The following RANBP17 variants were observed in gnomAD, a reference collection of about 807,000 sequenced individuals.
The protein encoded by RANBP17 is RAN binding protein 17.
A neutral mutation model predicts 141.2 loss-of-function variants in RANBP17; 158 were observed. That is an observed-to-expected ratio of 1.12 (90% CI 0.98 to 1.28). RANBP17 has a LOEUF of 1.28. RANBP17 is among the 50% of genes most tolerant of loss of function. The pLI, the probability that RANBP17 is intolerant of heterozygous loss-of-function variation, is 0.00. For missense variants in RANBP17, 1,438 were observed against 1,290.7 expected (o/e 1.11, Z -1.75); for synonymous variants, 430 against 450.0 (o/e 0.96, Z 0.56).
chr5:171,271,272 A>G (rs1445838857), intron 25 of RANBP17: 3 of 213,918 alleles, frequency 1.4e-5, no homozygotes. Flanking sequence ...TCTTCATGAC[A>G]TGCATCCCAA....
Position 171,059,049 on chromosome 5 carries a change from G to C in RANBP17, c.1710+90672G>C, listed in dbSNP as rs191142739. 9.3e-3 allele frequency among the ~76,000 whole-genome samples: 1,389 copies of C among 148,622 alleles called. 13 individuals carry two copies. Among genetic ancestry groups the C allele is most frequent in the Non-Finnish European group, 0.013 (892 of 67,246 alleles). On this transcript the variant is annotated intron_variant, in intron 14 of 27. Coordinates refer to ENST00000523189, the MANE Select transcript of RANBP17 (RefSeq NM_022897.5). ...TGTAAATTTGTTTGAGTTCATTGTA[G>C]ATTCTGGATATTAGCCCTTTGTCAG...
At chr5:171,058,271 A>G (rs998304370) in intron 14 of RANBP17, among the ~76,000 whole-genome samples, 3 of 148,270 alleles carry the variant, frequency 2.0e-5, no homozygotes, top group African/African-American at 7.4e-5. Context: ...TTAACTCATC[A>G]TTTAGCATTA....
intron 14 of RANBP17, among the ~76,000 whole-genome samples, chr5:171,087,158 G>A (rs1382689355): frequency 6.7e-6 from 1 of 148,714 alleles, no homozygotes; most frequent in Non-Finnish European, 1.5e-5. Flanking sequence ...ATTCTGGTAT[G>A]TTGTGTCTTT....
chr5:171,296,278 A>G (rs1279563058), intron 27 of RANBP17, among the ~76,000 whole-genome samples: 1 of 152,308 alleles, frequency 6.6e-6, no homozygotes, highest in Non-Finnish European at 1.5e-5. Flanking sequence ...AACAGGAGAG[A>G]TATGAAAAAA....
chr5:170,939,935 A>C (rs550075614), intron 12 of RANBP17, among the ~76,000 whole-genome samples: 6 of 152,328 alleles, frequency 3.9e-5, no homozygotes, highest in African/African-American at 1.2e-4. Context: ...CAGCAAAGAG[A>C]AAATAATGAA....
intron 13 of RANBP17, among the ~76,000 whole-genome samples, chr5:170,960,942 C>T (rs994670712): frequency 1.5e-4 from 23 of 152,146 alleles, no homozygotes; most frequent in African/African-American, 4.8e-4. Flanking sequence ...GACAGGGTTT[C>T]ACCGTGTTGG....
intron 12 of RANBP17, among the ~76,000 whole-genome samples, chr5:170,948,781 C>T (rs772670467): frequency 1.3e-5 from 2 of 152,014 alleles, no homozygotes; most frequent in Non-Finnish European, 1.5e-5. Context: ...AATTGGAAGA[C>T]TCATATTTTT....
intron 14 of RANBP17, among the ~76,000 whole-genome samples, chr5:171,154,391 G>A (rs544603165): frequency 4.3e-4 from 65 of 152,106 alleles, no homozygotes; most frequent in African/African-American, 1.4e-3. Context: ...ATTCTCCTGC[G>A]TCAGCCTCCT....
At chr5:171,102,232 G>A (rs781719319) in intron 14 of RANBP17, among the ~76,000 whole-genome samples, 12 of 152,090 alleles carry the variant, frequency 7.9e-5, no homozygotes, top group Non-Finnish European at 1.6e-4. Context: ...AGTACCCCAA[G>A]CAAATGTAGG....
chr5:171,280,468 C>T (rs1397118095), intron 25 of RANBP17, among the ~76,000 whole-genome samples: 4 of 151,968 alleles, frequency 2.6e-5, no homozygotes, highest in Non-Finnish European at 5.9e-5. Context: ...TTGGTGGAGA[C>T]GGGGTTTCAC....
intron 14 of RANBP17, among the ~76,000 whole-genome samples, chr5:171,106,212 C>A (rs1290720671): frequency 6.6e-6 from 1 of 152,144 alleles, no homozygotes; most frequent in East Asian, 1.9e-4. Context: ...GTTACAGCAG[C>A]CCTTAAGAGG....
intron 1 of RANBP17, among the ~76,000 whole-genome samples, chr5:170,864,916 A>T (rs906966506): frequency 6.6e-6 from 1 of 152,206 alleles, no homozygotes; most frequent in Non-Finnish European, 1.5e-5. Context: ...ATGGTCTTTT[A>T]TATTCACCAG....
intron 5 of RANBP17, among the ~76,000 whole-genome samples, chr5:170,899,018 C>T (rs1770387331): frequency 6.6e-6 from 1 of 152,058 alleles, no homozygotes; most frequent in African/African-American, 2.4e-5. Flanking sequence ...TTTTTGGTTC[C>T]ATATGAAATT....
chr5:171,028,623 G>A (rs1246873929), intron 14 of RANBP17, among the ~76,000 whole-genome samples: 3 of 152,108 alleles, frequency 2.0e-5, no homozygotes, highest in Admixed American at 1.3e-4. Context: ...GAATTGATTT[G>A]TAAGATGTCA....
chr5:171,117,220 T>A (rs1755699467), intron 14 of RANBP17, among the ~76,000 whole-genome samples: 1 of 152,168 alleles, frequency 6.6e-6, no homozygotes, highest in African/African-American at 2.4e-5. Flanking sequence ...CATAAGGTAG[T>A]TCTATTTGTA....
chr5:171,106,793 T>A (rs564354743), intron 14 of RANBP17, among the ~76,000 whole-genome samples: 1 of 152,174 alleles, frequency 6.6e-6, no homozygotes, highest in African/African-American at 2.4e-5. Flanking sequence ...TTTTTTAATG[T>A]TTGGGGGTGG....
intron 13 of RANBP17, among the ~76,000 whole-genome samples, chr5:170,964,231 A>G (rs553670082): frequency 1.2e-4 from 19 of 152,260 alleles, no homozygotes; most frequent in African/African-American, 4.6e-4. Flanking sequence ...ACTTTTTGAA[A>G]TGTGTGTTAT....
At chr5:171,236,533 T>C (rs1483244012) in intron 22 of RANBP17, among the ~76,000 whole-genome samples, 2 of 152,038 alleles carry the variant, frequency 1.3e-5, no homozygotes, top group Non-Finnish European at 1.5e-5. Flanking sequence ...ATTGTGTAAA[T>C]GAAAAGGACT....
At chr5:171,037,339 G>C (rs1781947928) in intron 14 of RANBP17, among the ~76,000 whole-genome samples, 2 of 152,018 alleles carry the variant, frequency 1.3e-5, no homozygotes, top group Admixed American at 1.3e-4. Context: ...ATAAAGTTTG[G>C]ATATTAGACT....
Sources: allele counts gnomAD v4.1 joint callset (sites outside exome capture counted in the v4.1 genomes callset), GRCh38; gene constraint gnomAD v4.1.1; transcripts MANE v1.5; gene names NCBI Gene and HGNC (gene_info 2026-07-23, HGNC 2026-07-21).